Variants in PDXDC1 observed in about 807,000 individuals in gnomAD.
The protein encoded by PDXDC1 is pyridoxal-dependent decarboxylase domain-containing protein 1.
In PDXDC1, 42 loss-of-function variants were observed where a neutral mutation model predicts 100.1. That is an observed-to-expected ratio of 0.42 (90% CI 0.33 to 0.54). The LOEUF (loss-of-function observed/expected upper bound fraction) is 0.54. Ranked by LOEUF, PDXDC1 falls within the 20% of genes least tolerant of loss-of-function variation. The pLI is 0.10. For missense variants in PDXDC1, 636 were observed against 979.2 expected (o/e 0.65, Z 4.68); for synonymous variants, 260 against 371.7 (o/e 0.70, Z 3.46).
intron 16 of PDXDC1, among the ~76,000 whole-genome samples, chr16:15,057,946 G>A (rs1216145537): frequency 6.6e-6 from 1 of 152,130 alleles, no homozygotes; most frequent in Non-Finnish European, 1.5e-5. Flanking sequence ...CAGATAACAA[G>A]CAGGAAACCA....
At chr16:15,063,552 C>T (rs2044811271) in intron 16 of PDXDC1, among the ~76,000 whole-genome samples, 1 of 151,546 alleles carries the variant, frequency 6.6e-6, no homozygotes, top group South Asian at 2.1e-4. Context: ...ACTAAAAATA[C>T]AAAAAATTAG....
At position 15,027,733 on chromosome 16, in the gene PDXDC1, C is replaced by T. The variant is rs556929764; in HGVS notation, c.1204+1027C>T. On this transcript the variant is annotated intron_variant, in intron 14 of 22. Transcript: ENST00000396410. ...CTTCTGCCGGCCTGCTCTCCATGAC[C>T]AGCCGCTTGTGTCTTTTTCCACCAA... Among the ~76,000 whole-genome samples, 5 of 152,398 alleles carry T rather than the reference C, an allele frequency of 3.3e-5. No individual in the cohort carries two copies. In the East Asian group the frequency reaches 9.7e-4, roughly 29 times the overall value.
intron 1 of PDXDC1, among the ~76,000 whole-genome samples, chr16:14,993,448 C>T (rs2151291109): frequency 1.3e-5 from 2 of 152,396 alleles, no homozygotes; most frequent in East Asian, 3.9e-4. Context: ...AAACTTCATC[C>T]ATGTCCCTAC....
At chr16:15,008,487 G>T (rs1208893364) in intron 6 of PDXDC1, among the ~76,000 whole-genome samples, 2 of 152,252 alleles carry the variant, frequency 1.3e-5, no homozygotes, top group Non-Finnish European at 2.9e-5. Context: ...TTGTTTCTGT[G>T]TTTGTCAAAG....
chr16:15,028,640 G>T (rs1450094773), intron 14 of PDXDC1, among the ~76,000 whole-genome samples: 2 of 152,296 alleles, frequency 1.3e-5, no homozygotes, highest in Non-Finnish European at 2.9e-5. Flanking sequence ...TCCCTTGAAA[G>T]CAAACCTTTT....
chr16:15,122,734 C>G (rs531954918), intron 16 of PDXDC1, among the ~76,000 whole-genome samples: 1 of 147,156 alleles, frequency 6.8e-6, no homozygotes, highest in African/African-American at 2.5e-5. Flanking sequence ...CCTTTCAGGG[C>G]GCCCGGAGGT....
rs1237908366 is a variant in PDXDC1, at chr16:15,036,131, G to C, written c.2223G>C (p.Gln741His). The stretch of plus-strand genomic sequence containing the variant: ...AGCGCCTATCCAGTGGGCCGGAGCA[G>C]ATCACCCTCGAGGCCAGCAGCACTG... ...KVERLSSGPEQITLEASSTEG... is the reference protein window; with the variant it reads ...KVERLSSGPEHITLEASSTEG... The change falls in exon 23 of 23, where the codon CAG (glutamine) becomes CAC (histidine). Residue 741 changes from glutamine to histidine, a missense_variant. Around this residue, in one of 4 missense-constraint regions of PDXDC1, gnomAD observed 452 missense variants for 402.9 expected, o/e 1.12. Coordinates refer to ENST00000396410, the MANE Select transcript of PDXDC1 (RefSeq NM_015027.4). The C allele has an allele frequency of 6.2e-7, 1 of 1,614,116 alleles. No individual in the cohort carries two copies. The highest frequency in any genetic ancestry group is 2.2e-5 in the East Asian group (1 of 44,874).
intron 16 of PDXDC1, chr16:15,130,110 C>A: frequency 1.5e-6 from 2 of 1,361,806 alleles, no homozygotes; most frequent in Non-Finnish European, 2.1e-6. Flanking sequence ...CCCAGGAGGT[C>A]ACGTGCAAGC....
chr16:15,097,230 G>A (rs1047266937), intron 16 of PDXDC1, among the ~76,000 whole-genome samples: 3 of 150,948 alleles, frequency 2.0e-5, no homozygotes, highest in Admixed American at 6.6e-5. Context: ...ACTACACCAC[G>A]ACACTCTCTG....
intron 16 of PDXDC1, among the ~76,000 whole-genome samples, chr16:15,080,301 T>G (rs1377864228): frequency 6.6e-6 from 1 of 152,238 alleles, no homozygotes; most frequent in African/African-American, 2.4e-5. Flanking sequence ...ATGAAATTTT[T>G]AATTTGCATA....
intron 16 of PDXDC1, among the ~76,000 whole-genome samples, chr16:15,049,784 G>A (rs1224056154): frequency 6.6e-6 from 1 of 152,108 alleles, no homozygotes; most frequent in Admixed American, 6.6e-5. Flanking sequence ...TAAGTAAATT[G>A]GGCACAGAAC....
intron 16 of PDXDC1, among the ~76,000 whole-genome samples, chr16:15,046,526 G>C (rs1353536968): frequency 6.6e-6 from 1 of 152,086 alleles, no homozygotes; most frequent in Non-Finnish European, 1.5e-5. Context: ...TGCAGTGAGA[G>C]AGGATGAGGT....
At chr16:15,065,159 C>G (rs1246427552) in intron 16 of PDXDC1, 17 of 1,498,012 alleles carry the variant, frequency 1.1e-5, no homozygotes, top group Non-Finnish European at 1.5e-5. Context: ...GAGTGAGACT[C>G]CGTCTCAAAA....
Position 15,135,238 on chromosome 16 carries a change from G to A in PDXDC1, c.1400-3641G>A, listed in dbSNP as rs531362970. ...AAAACAGTAGATGAGCAGGGAGGTT[G>A]GGCTGTCCAAGGCAAGTGGCCGAGG... On this transcript the variant is annotated intron_variant, in intron 16 of 16. Transcript: ENST00000535621. 1,512 of 801,790 alleles carry A rather than the reference G, an allele frequency of 1.9e-3. 26 individuals carry two copies. In the African/African-American group the frequency reaches 0.022, roughly 12 times the overall value. 49.7% of individuals were successfully genotyped at this position (801,790 alleles called of 1,614,324 possible).
In PDXDC1 at chr16:15,128,023, C is replaced by A. The variant is rs773583410; in HGVS notation, c.1400-10856C>A. The A allele has an allele frequency of 5.6e-6, 9 of 1,600,600 alleles. No homozygotes were observed. In the East Asian group the frequency reaches 1.6e-4, roughly 28 times the overall value. ...CCAGCACCTCCTTCTCCACCAGGCC[C>A]CCGTTGGCCTCCGTCTCCACCGAAA... On this transcript the variant is annotated intron_variant, in intron 16 of 16. Transcript: ENST00000535621.
chr16:14,986,128 C>T (rs1313517910), intron 1 of PDXDC1, among the ~76,000 whole-genome samples: 2 of 152,262 alleles, frequency 1.3e-5, no homozygotes, highest in Non-Finnish European at 1.5e-5. Flanking sequence ...AAAAAATGCT[C>T]ACGAAGGTAT....
intron 6 of PDXDC1, among the ~76,000 whole-genome samples, chr16:15,007,120 C>T (rs1262689375): frequency 2.2e-5 from 3 of 137,404 alleles, no homozygotes; most frequent in African/African-American, 8.0e-5. Context: ...GATGGATTTT[C>T]AGAGTCAGTC....
intron 16 of PDXDC1, chr16:15,076,678 T>A (rs1479421148): frequency 7.0e-7 from 1 of 1,437,896 alleles, no homozygotes; most frequent in Non-Finnish European, 9.8e-7. Context: ...AAAAAAAGAA[T>A]AAAAGGATTT....
At chr16:15,081,782 T>G (rs1339203276) in intron 16 of PDXDC1, among the ~76,000 whole-genome samples, 1 of 152,240 alleles carries the variant, frequency 6.6e-6, no homozygotes, top group Non-Finnish European at 1.5e-5. Flanking sequence ...CGTTTTCTTC[T>G]CAGAGTTTTA....
Sources: allele counts gnomAD v4.1 joint callset (sites outside exome capture counted in the v4.1 genomes callset), GRCh38; gene constraint gnomAD v4.1.1; regional missense constraint gnomAD v4.1.1; transcripts MANE v1.5; gene names NCBI Gene and HGNC (gene_info 2026-07-23, HGNC 2026-07-21).